Variants in DOCK2 observed in about 807,000 individuals in gnomAD.
DOCK2 encodes dedicator of cytokinesis 2, also known as dedicator of cytokinesis protein 2.
Under a neutral mutation model 248.9 loss-of-function variants are expected in DOCK2, and 87 were observed. The ratio of observed to expected loss-of-function variants is 0.35; its 90% CI spans 0.29 to 0.42. DOCK2 has a LOEUF of 0.42. Ranked by LOEUF, DOCK2 falls within the 10% of genes least tolerant of loss-of-function variation. DOCK2 has a pLI of 1.00. For missense variants in DOCK2, 1,747 were observed against 2,300.2 expected (o/e 0.76, Z 4.92); for synonymous variants, 805 against 821.6 (o/e 0.98, Z 0.35).
At chr5:169,963,089 T>C (rs1777157472) in intron 27 of DOCK2, among the ~76,000 whole-genome samples, 1 of 152,220 alleles carries the variant, frequency 6.6e-6, no homozygotes, top group African/African-American at 2.4e-5. Context: ...TGGGTTCCCC[T>C]GGAATATGTG....
At chr5:169,951,082 C>A (rs1476702455) in intron 27 of DOCK2, among the ~76,000 whole-genome samples, 1 of 152,204 alleles carries the variant, frequency 6.6e-6, no homozygotes, top group Non-Finnish European at 1.5e-5. Context: ...GCTGATGAGA[C>A]CTGCCTGCCT....
chr5:170,027,257 C>T (rs1462951994), intron 33 of DOCK2, among the ~76,000 whole-genome samples: 3 of 152,034 alleles, frequency 2.0e-5, no homozygotes, highest in African/African-American at 7.2e-5. Context: ...ATGAAATATT[C>T]GGATTAGGAG....
intron 50 of DOCK2, 184 bp downstream of exon 50, chr5:170,080,467 G>A (rs776971196): frequency 4.5e-4 from 411 of 903,406 alleles, no homozygotes; most frequent in Non-Finnish European, 6.0e-4. Context: ...TCCTGGGGGT[G>A]ACACCATCCC....
At chr5:169,895,169 G>A (rs1001299010) in intron 27 of DOCK2, among the ~76,000 whole-genome samples, 10 of 152,144 alleles carry the variant, frequency 6.6e-5, no homozygotes, top group East Asian at 3.9e-4. Flanking sequence ...ATGGGCTCAC[G>A]GTGTTTGCCT....
At chr5:169,643,658 C>A (rs1289706345) in intron 1 of DOCK2, among the ~76,000 whole-genome samples, 1 of 152,186 alleles carries the variant, frequency 6.6e-6, no homozygotes, top group East Asian at 1.9e-4. Context: ...AGGCCACCAA[C>A]CAGTACCGGT....
At chr5:169,992,386 G>A (rs1049667237) in intron 29 of DOCK2, among the ~76,000 whole-genome samples, 13 of 152,304 alleles carry the variant, frequency 8.5e-5, no homozygotes, top group African/African-American at 3.1e-4. Context: ...AACAATTCAG[G>A]TTCATTGTTG....
chr5:169,729,297 C>G (rs17071633), intron 22 of DOCK2, among the ~76,000 whole-genome samples: 14,050 of 152,200 alleles, frequency 0.092, 1,213 homozygotes, highest in Admixed American at 0.28. Flanking sequence ...GTCAAATGTA[C>G]TTGAGGCAGG....
chr5:170,080,074 T>G, intron 49 of DOCK2, 89 bp from the exon 50 acceptor site: 1 of 1,576,098 alleles, frequency 6.3e-7, no homozygotes, highest in Non-Finnish European at 8.6e-7. Flanking sequence ...TGCCACGCCC[T>G]CCTCACTGAT....
At chr5:169,886,176 G>A (rs1417048789) in intron 27 of DOCK2, among the ~76,000 whole-genome samples, 1 of 152,020 alleles carries the variant, frequency 6.6e-6, no homozygotes, top group East Asian at 1.9e-4. Flanking sequence ...TTTATTAGTG[G>A]CGTGAGAACA....
chr5:169,882,446 A>C, intron 27 of DOCK2: 1 of 949,152 alleles, frequency 1.1e-6, no homozygotes, highest in Non-Finnish European at 1.6e-6. Context: ...CAGTGCTTCA[A>C]ACATTTTGGA....
intron 50 of DOCK2, 33 bp downstream of exon 50, chr5:170,080,316 T>C: frequency 1.2e-6 from 2 of 1,612,578 alleles, no homozygotes; most frequent in Non-Finnish European, 1.7e-6. Context: ...CATGAGGGAG[T>C]AGAGATAGTG....
chr5:169,813,203 C>T (rs895850536), intron 26 of DOCK2, among the ~76,000 whole-genome samples: 25 of 152,216 alleles, frequency 1.6e-4, no homozygotes, highest in African/African-American at 3.6e-4. Flanking sequence ...GTTAAATAAC[C>T]GTTATCATCA....
chr5:169,691,445 A>G (rs1318931010), intron 9 of DOCK2, among the ~76,000 whole-genome samples: 1 of 152,204 alleles, frequency 6.6e-6, no homozygotes, highest in Non-Finnish European at 1.5e-5. Context: ...CCTACTATGC[A>G]TGTGCTCTGT....
intron 26 of DOCK2, among the ~76,000 whole-genome samples, chr5:169,806,419 G>A (rs1767365565): frequency 2.6e-5 from 4 of 152,016 alleles, no homozygotes; most frequent in Admixed American, 6.6e-5. Flanking sequence ...AAAGTGCTGG[G>A]ATTACAAGCC....
At chr5:169,707,775 G>T (rs1335529176) in intron 14 of DOCK2, among the ~76,000 whole-genome samples, 1 of 152,168 alleles carries the variant, frequency 6.6e-6, no homozygotes, top group Non-Finnish European at 1.5e-5. Flanking sequence ...GCAAAGAGTT[G>T]CTGCTTGGCT....
intron 38 of DOCK2, among the ~76,000 whole-genome samples, chr5:170,045,531 G>A (rs1756676583): frequency 6.6e-6 from 1 of 152,142 alleles, no homozygotes; most frequent in Non-Finnish European, 1.5e-5. Flanking sequence ...TGAAGATGCT[G>A]TCAGTTACCT....
chr5:170,034,519 C>T lies in DOCK2; in HGVS notation c.3588C>T (p.Ser1196=). 6.2e-7 allele frequency: 1 copy of T among 1,614,154 alleles called. No homozygotes were observed. Among genetic ancestry groups the T allele is most frequent in the Non-Finnish European group, 8.5e-7 (1 of 1,180,020 alleles). The part of the protein sequence containing the change: ...LDYRGVMTDE[S]KDNRMSCTVN... Reference sequence around the variant, plus strand: ...ACCGGGGTGTGATGACAGATGAGAGCAAAGACAACCGCATGAGCTGCACCG... The same window carrying T: ...ACCGGGGTGTGATGACAGATGAGAGTAAAGACAACCGCATGAGCTGCACCG... The change falls in exon 35 of 52, where the codon AGC becomes AGT. Residue 1196 remains serine (S), a synonymous_variant. Coordinates refer to ENST00000520908, the MANE Select transcript of DOCK2 (RefSeq NM_004946.3).
intron 46 of DOCK2, among the ~76,000 whole-genome samples, chr5:170,071,697 C>G (rs771077809): frequency 6.6e-6 from 1 of 152,170 alleles, no homozygotes; most frequent in Non-Finnish European, 1.5e-5. Flanking sequence ...GCTAGCTCCC[C>G]TAATCCTATC....
intron 39 of DOCK2, among the ~76,000 whole-genome samples, chr5:170,046,325 A>G (rs1756708169): frequency 6.6e-6 from 1 of 152,194 alleles, no homozygotes; most frequent in Non-Finnish European, 1.5e-5. Flanking sequence ...TAGCATCTCC[A>G]TGCTCAGGAT....
Sources: allele counts gnomAD v4.1 joint callset (sites outside exome capture counted in the v4.1 genomes callset), GRCh38; gene constraint gnomAD v4.1.1; transcripts MANE v1.5; gene names NCBI Gene and HGNC (gene_info 2026-07-23, HGNC 2026-07-21).